ACD: variants seen among roughly 807,000 people sequenced by gnomAD.
ACD encodes ACD shelterin complex subunit and telomerase recruitment factor, also known as adrenocortical dysplasia protein homolog.
A neutral mutation model predicts 53.9 loss-of-function variants in ACD; 39 were observed. That is an observed-to-expected ratio of 0.72 (90% confidence interval 0.56 to 0.95). The LOEUF is 0.95. Ranked by LOEUF, ACD falls within the 40% of genes least tolerant of loss-of-function variation. The pLI, the probability that ACD is intolerant of heterozygous loss-of-function variation, is 0.00. For synonymous variants in ACD, 273 were observed against 249.2 expected, an observed-to-expected ratio of 1.10 and a Z score of -0.90; for missense variants, 526 against 587.9, an observed-to-expected ratio of 0.89 and a Z score of 1.09.
In ACD at chr16:67,659,424, G is replaced by A. The variant is rs372700670; in HGVS notation, c.414-5C>T. On this transcript the variant is annotated splice_region_variant and splice_polypyrimidine_tract_variant and intron_variant, in intron 4 of 11. Transcript: ENST00000620761. ...TGAACATCTAAGTCTTGGTTGCTAA[G>A]AAAAAGAGAAGGGTAGTTAATGGGG... The A allele has an allele frequency of 6.2e-7, 1 of 1,614,066 alleles. No individual in the cohort carries two copies. Among genetic ancestry groups the A allele is most frequent in the Admixed American group, 1.7e-5 (1 of 60,028 alleles).
rs1488184674 is a variant in ACD at position 67,660,188 on chromosome 16, G to C, written c.33C>G (p.Pro11=). 6.2e-7 allele frequency: 1 copy of C among 1,612,644 alleles called. No individual in the cohort carries two copies. Among genetic ancestry groups the C allele is most frequent in the East Asian group, 2.2e-5 (1 of 44,874 alleles). The change falls in exon 1 of 12, where the codon CCC becomes CCG. Residue 11 remains proline (P), a synonymous_variant. Transcript: ENST00000620761. ...ACCCCAGAATCAGCTCCCGAATCCA[G>C]GGCCGTAGGACCAGCCTCCCCGAAC... MAGSGRLVLR[P]WIRELILGSE...
rs200227116 is a variant in ACD, at chr16:67,658,136, G to A, written c.1056C>T (p.Ser352=). ...GAGCCTGGTGTGGACTGGGGACATGGCTACGGGGTGAGAGACTGGGAGTGC... is the reference window on the plus strand; with the variant it reads ...GAGCCTGGTGTGGACTGGGGACATGACTACGGGGTGAGAGACTGGGAGTGC... The part of the protein sequence containing the change: ...QSCTPSLSPR[S]HVPSPHQALV... Residue 352 remains serine, a synonymous_variant, in exon 10 of 12, where the codon AGC becomes AGT. Transcript: ENST00000620761. 1.0e-5 allele frequency: 16 copies of A among 1,600,682 alleles called. No individual in the cohort carries two copies. In the East Asian group the frequency reaches 3.3e-4, roughly 34 times the overall value.
At chr16:67,659,141 G>A (rs1261225068) in intron 6 of ACD, 62 bp from the exon 7 acceptor site, 3 of 1,608,866 alleles carry the variant, frequency 1.9e-6, no homozygotes, top group East Asian at 2.2e-5. Flanking sequence ...AGGGTGAGGG[G>A]GAAGACAGCT....
Position 67,657,577 on chromosome 16 carries a change from G to A in ACD, c.*29C>T. Reference sequence around the variant, plus strand: ...TTAAAAAACTCAAAGGAAGCAGAGTGTGGAGCGGTATCTGTCCTGCGTGAC... The same window carrying A: ...TTAAAAAACTCAAAGGAAGCAGAGTATGGAGCGGTATCTGTCCTGCGTGAC... On this transcript the variant is annotated 3_prime_UTR_variant, in exon 12 of 12. Coordinates refer to ENST00000620761, the MANE Select transcript of ACD (RefSeq NM_001082486.2). This position sits in a 1 kb window ranked among gnomAD's most constrained non-coding sequence, Gnocchi z 4.5. 6.2e-7 allele frequency: 1 copy of A among 1,614,122 alleles called. No homozygotes were observed. The highest frequency in any genetic ancestry group is 1.1e-5 in the South Asian group (1 of 91,084).
Position 67,660,039 on chromosome 16 carries a change from G to A in ACD, c.106C>T (p.Gln36Ter), listed in dbSNP as rs1244580376. The A allele has an allele frequency of 6.2e-7, 1 of 1,608,212 alleles. No individual in the cohort carries two copies. The change falls in exon 2 of 12, where the codon CAG (glutamine) becomes TAG (stop). Residue 36 changes from glutamine (Q) to a stop codon, truncating the protein, a stop_gained. Transcript: ENST00000620761. LOFTEE classifies it high-confidence loss of function. ...CCCGCGACCGCGGCCTCGGCGTCCTGTAGTACCTGACGGCGGCGAGCGGCG... is the reference window on the plus strand; with the variant it reads ...CCCGCGACCGCGGCCTCGGCGTCCTATAGTACCTGACGGCGGCGAGCGGCG... ...PRAGQLLEVL[Q>*]DAEAAVAGPS...
Position 67,658,926 on chromosome 16 carries a change from A to G in ACD, c.645+2T>C, listed in dbSNP as rs774178147. ...ATCTCCCAAGCAAATCCCCAGACTG[A>G]CCGTGGCCTTGCATCGTGAGGCAGC... On this transcript the variant is annotated splice_donor_variant, in intron 7 of 11. Transcript: ENST00000620761. LOFTEE classifies it high-confidence loss of function. 51 of 1,613,410 alleles carry G rather than the reference A, an allele frequency of 3.2e-5. No homozygotes were observed. Among genetic ancestry groups the G allele is most frequent in the Non-Finnish European group, 3.7e-5 (44 of 1,179,746 alleles).
In ACD at chr16:67,660,022, C is replaced by G. The variant is rs780935998; in HGVS notation, c.123G>C (p.Ala41=). ...CAGGGGCGTGGGATGGGCCCGCGAC[C>G]GCGGCCTCGGCGTCCTGTAGTACCT... The part of the protein sequence containing the change: ...LLEVLQDAEA[A]VAGPSHAPDT... The change falls in exon 2 of 12, where the codon GCG becomes GCC. Residue 41 remains alanine, a synonymous_variant. Coordinates refer to ENST00000620761, the MANE Select transcript of ACD (RefSeq NM_001082486.2). The G allele has an allele frequency of 8.7e-6, 14 of 1,606,408 alleles. No individual in the cohort carries two copies. In the African/African-American group the frequency reaches 1.2e-4, roughly 14 times the overall value.
chr16:67,659,440 G>A (rs375559289), intron 4 of ACD, 21 bp from the exon 5 acceptor site: 8 of 1,613,948 alleles, frequency 5.0e-6, no homozygotes, highest in African/African-American at 2.7e-5. Context: ...GAGAAGGGTA[G>A]TTAATGGGGG....
In ACD at chr16:67,659,197, G is replaced by GT; in HGVS notation, c.493+31dup. The GT allele has an allele frequency of 2.5e-6, 4 of 1,613,916 alleles. No homozygotes were observed. In the South Asian group the frequency reaches 4.4e-5, roughly 18 times the overall value. On this transcript the variant is annotated intron_variant, in intron 6 of 11. Coordinates refer to ENST00000620761, the MANE Select transcript of ACD (RefSeq NM_001082486.2). ...AAGGCTGGAGAGATCACTGCACAGC[G>GT]TGTTAGGATCACTGGTCAAGCTCTA...
At position 67,658,886 on chromosome 16, in the gene ACD, A is replaced by C. The variant is rs772052587; in HGVS notation, c.645+42T>G. The C allele has an allele frequency of 1.5e-5, 24 of 1,606,158 alleles. No homozygotes were observed. The African/African-American group carries it at 2.8e-4, about 19-fold the overall frequency. On this transcript the variant is annotated intron_variant, in intron 7 of 11. Coordinates refer to ENST00000620761, the MANE Select transcript of ACD (RefSeq NM_001082486.2). Reference sequence around the variant, plus strand: ...TCCTGTGGGATATGACCCTTGCCCAACTCCTCACCCTGACATCTCCCAAGC... The same window carrying C: ...TCCTGTGGGATATGACCCTTGCCCACCTCCTCACCCTGACATCTCCCAAGC...
At position 67,657,928 on chromosome 16, in the gene ACD, C is replaced by A; in HGVS notation, c.1206+58G>T. The A allele has an allele frequency of 4.4e-6, 7 of 1,609,000 alleles. No homozygotes were observed. Among genetic ancestry groups the A allele is most frequent in the South Asian group, 1.1e-5 (1 of 90,540 alleles). ...ATCCAAGGCTACCCATGCTCCCTCCCAGCTCTACCTCAGGCCTTCCTTGTT... is the reference window on the plus strand; with the variant it reads ...ATCCAAGGCTACCCATGCTCCCTCCAAGCTCTACCTCAGGCCTTCCTTGTT... On this transcript the variant is annotated intron_variant, in intron 10 of 11. Transcript: ENST00000620761. This position sits in a 1 kb window ranked among gnomAD's most constrained non-coding sequence, Gnocchi z 4.5.
chr16:67,659,130 G>T (rs748909414), intron 6 of ACD, 51 bp from the exon 7 acceptor site: 3 of 1,608,830 alleles, frequency 1.9e-6, no homozygotes, highest in Non-Finnish European at 2.6e-6. Context: ...GGAGGACCAG[G>T]AGGGTGAGGG....
At chr16:67,659,634 G>A (rs764838880) in intron 3 of ACD, 21 bp from the exon 4 acceptor site, 10 of 1,612,230 alleles carry the variant, frequency 6.2e-6, no homozygotes, top group Admixed American at 1.7e-5. Context: ...TCGGGGGGAA[G>A]GGGGGGTCTC....
intron 7 of ACD, 43 bp downstream of exon 7, chr16:67,658,885 A>G: frequency 6.2e-7 from 1 of 1,606,358 alleles, no homozygotes; most frequent in East Asian, 2.2e-5. Context: ...ACCCTTGCCC[A>G]ACTCCTCACC....
At position 67,657,981 on chromosome 16, in the gene ACD, C is replaced by G; in HGVS notation, c.1206+5G>C. 1 of 1,574,020 alleles carries G rather than the reference C, an allele frequency of 6.4e-7. No individual in the cohort carries two copies. Among genetic ancestry groups the G allele is most frequent in the Non-Finnish European group, 8.6e-7 (1 of 1,158,490 alleles). Reference sequence around the variant, plus strand: ...ACCCTCCAGCTGCAGAGGGGCTATGCTCACCCAGACAGAGCAGGGCTCCTG... The same window carrying G: ...ACCCTCCAGCTGCAGAGGGGCTATGGTCACCCAGACAGAGCAGGGCTCCTG... On this transcript the variant is annotated splice_donor_5th_base_variant and intron_variant, in intron 10 of 11. Coordinates refer to ENST00000620761, the MANE Select transcript of ACD (RefSeq NM_001082486.2). This position sits in a 1 kb window ranked among gnomAD's most constrained non-coding sequence, Gnocchi z 4.5.
Position 67,658,140 on chromosome 16 carries a change from C to A in ACD, c.1052G>T (p.Arg351Leu). The change falls in exon 10 of 12, where the codon CGT becomes CTT. Residue 351 changes from arginine to leucine, a missense_variant. Transcript: ENST00000620761. ...CTGGTGTGGACTGGGGACATGGCTA[C>A]GGGGTGAGAGACTGGGAGTGCAGCT... The part of the protein sequence containing the change: ...LQSCTPSLSP[R>L]SHVPSPHQAL... 6.2e-7 allele frequency: 1 copy of A among 1,601,060 alleles called. No individual in the cohort carries two copies. Among genetic ancestry groups the A allele is most frequent in the Non-Finnish European group, 8.5e-7 (1 of 1,172,836 alleles).
In ACD at chr16:67,659,228, C is replaced by T; in HGVS notation, c.493+1G>A. ...GGATCACTGGTCAAGCTCTACAGTACCTGCATTGGACGAGGTGGACTCTGA... is the reference window on the plus strand; with the variant it reads ...GGATCACTGGTCAAGCTCTACAGTATCTGCATTGGACGAGGTGGACTCTGA... On this transcript the variant is annotated splice_donor_variant, in intron 6 of 11. Transcript: ENST00000620761. LOFTEE classifies it high-confidence loss of function. 6.2e-7 allele frequency: 1 copy of T among 1,614,108 alleles called. No homozygotes were observed. The highest frequency in any genetic ancestry group is 8.5e-7 in the Non-Finnish European group (1 of 1,180,004).
At chr16:67,659,509 G>C in intron 4 of ACD, 28 bp downstream of exon 4, 1 of 1,613,408 alleles carries the variant, frequency 6.2e-7, no homozygotes, top group Non-Finnish European at 8.5e-7. Flanking sequence ...GGTGGGGAGA[G>C]CTGCTGGAGG....
At chr16:67,659,194 A>T (rs1567641412) in intron 6 of ACD, 35 bp downstream of exon 6, 29 of 1,613,926 alleles carry the variant, frequency 1.8e-5, no homozygotes, top group Non-Finnish European at 2.4e-5. Flanking sequence ...ATCACTGCAC[A>T]GCGTGTTAGG....
Sources: gnomAD v4.1 joint callset for allele counts on GRCh38, gnomAD v4.1.1 for gene constraint, Gnocchi (gnomAD v3.1) non-coding constraint, MANE v1.5 for transcripts, NCBI Gene and HGNC (gene_info 2026-07-23, HGNC 2026-07-21) for gene names.